Variants in SLC26A7 observed in about 807,000 individuals in gnomAD.
SLC26A7 encodes the protein anion exchange transporter.
SLC26A7 carries 59 observed loss-of-function variants against 82.5 expected under a neutral mutation model. That is an observed-to-expected ratio of 0.72 (90% confidence interval 0.58 to 0.89). The LOEUF is 0.89. Among genes scored for constraint, SLC26A7 ranks in the 40% least tolerant of loss-of-function variants. SLC26A7 has a pLI of 0.00. For missense variants in SLC26A7, 820 were observed against 793.0 expected (o/e 1.03, Z -0.41); for synonymous variants, 271 against 274.3 (o/e 0.99, Z 0.12).
chr8:91,234,725 T>C (rs1254887081), intron 2 of SLC26A7, among the ~76,000 whole-genome samples: 2 of 152,100 alleles, frequency 1.3e-5, no homozygotes, highest in Non-Finnish European at 2.9e-5. Context: ...CTTGTCATTG[T>C]TGCAAAACAG....
intron 5 of SLC26A7, among the ~76,000 whole-genome samples, chr8:91,328,595 T>C (rs1333762377): frequency 6.6e-6 from 1 of 152,152 alleles, no homozygotes; most frequent in East Asian, 1.9e-4. Flanking sequence ...TTGTTACTAT[T>C]ACTATGCTAG....
chr8:91,286,854 A>G (rs1307810442), intron 2 of SLC26A7, among the ~76,000 whole-genome samples: 1 of 152,210 alleles, frequency 6.6e-6, no homozygotes, highest in Non-Finnish European at 1.5e-5. Flanking sequence ...AGAATAATAA[A>G]TGAATCAGAA....
At chr8:91,231,555 CT>C (rs33979936) in intron 2 of SLC26A7, among the ~76,000 whole-genome samples, 6,860 of 152,102 alleles carry the variant, frequency 0.045, 172 homozygotes, top group African/African-American at 0.062. Flanking sequence ...CCTTTCTTTC[CT>C]TTTCTTTTCT....
At chr8:91,368,413 G>GA (rs1814253921) in intron 14 of SLC26A7, among the ~76,000 whole-genome samples, 3 of 144,990 alleles carry the variant, frequency 2.1e-5, no homozygotes, top group African/African-American at 7.6e-5. Flanking sequence ...TTCAGATGAG[G>GA]TTTTTTTTTT....
At chr8:91,261,969 G>A (rs934733925) in intron 2 of SLC26A7, among the ~76,000 whole-genome samples, 1 of 152,074 alleles carries the variant, frequency 6.6e-6, no homozygotes, top group African/African-American at 2.4e-5. Context: ...AATAGTAGAA[G>A]AGAGTAAAAC....
At chr8:91,318,582 G>C (rs1295436125) in intron 5 of SLC26A7, among the ~76,000 whole-genome samples, 1 of 151,992 alleles carries the variant, frequency 6.6e-6, no homozygotes, top group Non-Finnish European at 1.5e-5. Flanking sequence ...ATGATTCCTT[G>C]TAATGAACAA....
chr8:91,283,935 C>T (rs997964741), intron 2 of SLC26A7, among the ~76,000 whole-genome samples: 3 of 152,052 alleles, frequency 2.0e-5, no homozygotes, highest in African/African-American at 7.2e-5. Context: ...TTTCTACCAT[C>T]GCCGAATGCA....
intron 2 of SLC26A7, among the ~76,000 whole-genome samples, chr8:91,288,854 C>G (rs957525115): frequency 1.3e-5 from 2 of 152,160 alleles, no homozygotes; most frequent in African/African-American, 4.8e-5. Context: ...ACTGTCCAAC[C>G]TACCATTCAA....
At chr8:91,360,527 A>G (rs1814020522) in intron 11 of SLC26A7, among the ~76,000 whole-genome samples, 1 of 152,214 alleles carries the variant, frequency 6.6e-6, no homozygotes, top group Non-Finnish European at 1.5e-5. Context: ...ATATTTTTTC[A>G]AAGCTATAAA....
chr8:91,289,076 T>C (rs1385720705), intron 2 of SLC26A7, 60 bp from the exon 3 acceptor site: 4 of 1,051,384 alleles, frequency 3.8e-6, no homozygotes, highest in Non-Finnish European at 5.9e-6. Context: ...TATTCTTTTG[T>C]GTAACAGACT....
At chr8:91,300,017 G>C (rs1197667861) in intron 4 of SLC26A7, among the ~76,000 whole-genome samples, 1 of 152,174 alleles carries the variant, frequency 6.6e-6, no homozygotes, top group Non-Finnish European at 1.5e-5. Flanking sequence ...CTACACTTCA[G>C]GGGGAGAAAC....
chr8:91,244,670 A>C (rs932706725), upstream of SLC26A7, among the ~76,000 whole-genome samples: 17 of 151,500 alleles, frequency 1.1e-4, no homozygotes, highest in African/African-American at 3.6e-4. Flanking sequence ...TGCCCAGCTA[A>C]ATTTTTCAAT....
Position 91,363,533 on chromosome 8 carries a change from G to A in SLC26A7, c.1483G>A (p.Asp495Asn). The stretch of plus-strand genomic sequence containing the variant: ...GGAATTTAAAGTGAAGACAGAAATG[G>A]ACAGTGTAAGTTTAGTTTTATTTTT... ...EMEFKVKTEM[D>N]SETLQQVKII... The change falls in exon 13 of 19, where the codon GAC (aspartate) becomes AAC (asparagine). Residue 495 changes from aspartate (D) to asparagine (N), a missense_variant. Coordinates refer to ENST00000276609, the MANE Select transcript of SLC26A7 (RefSeq NM_052832.4). 1 of 1,488,990 alleles carries A rather than the reference G, an allele frequency of 6.7e-7. No individual in the cohort carries two copies. Among genetic ancestry groups the A allele is most frequent in the Non-Finnish European group, 9.2e-7 (1 of 1,084,046 alleles). 92.2% of individuals were successfully genotyped at this position (1,488,990 alleles called of 1,614,324 possible).
rs1157926782 is a variant in SLC26A7, at chr8:91,295,653, C to T, written c.427C>T (p.Gln143Ter). 1 of 1,614,022 alleles carries T rather than the reference C, an allele frequency of 6.2e-7. No homozygotes were observed. Among genetic ancestry groups the T allele is most frequent in the Non-Finnish European group, 8.5e-7 (1 of 1,179,954 alleles). The change falls in exon 4 of 19, where the codon CAA (glutamine) becomes TAA (stop). Residue 143 changes from glutamine to a stop codon, truncating the protein, a stop_gained. Transcript: ENST00000276609. LOFTEE classifies it high-confidence loss of function. Reference protein sequence around the residue: ...SVLGLSDFEMQRIHVAAAVSF... With the variant: ...SVLGLSDFEM ...GCTGGGCTTATCCGACTTTGAAATG[C>T]AAAGGATCCACGTTGCTGCAGCAGT... is the stretch of plus-strand genomic sequence containing the variant.
chr8:91,308,182 A>C (rs1208976255), intron 4 of SLC26A7, among the ~76,000 whole-genome samples: 1 of 151,648 alleles, frequency 6.6e-6, no homozygotes, highest in Non-Finnish European at 1.5e-5. Flanking sequence ...AATGCCCCTC[A>C]ATCGGGATAT....
chr8:91,378,401 T>A, intron 15 of SLC26A7, among the ~76,000 whole-genome samples: 1 of 146,722 alleles, frequency 6.8e-6, no homozygotes, highest in African/African-American at 2.5e-5. Flanking sequence ...TTATATATAA[T>A]ATAAAGTATA....
intron 2 of SLC26A7, among the ~76,000 whole-genome samples, chr8:91,233,973 T>C (rs976690178): frequency 2.6e-5 from 4 of 152,242 alleles, no homozygotes; most frequent in African/African-American, 9.6e-5. Context: ...GATGATATTC[T>C]AATCTGGGTT....
intron 11 of SLC26A7, among the ~76,000 whole-genome samples, chr8:91,358,544 A>G (rs1813948274): frequency 6.6e-6 from 1 of 151,646 alleles, no homozygotes; most frequent in Non-Finnish European, 1.5e-5. Flanking sequence ...GTTAGTCAGG[A>G]TGGTCTCGAT....
chr8:91,308,643 G>A (rs374565766), intron 4 of SLC26A7, among the ~76,000 whole-genome samples: 55 of 152,306 alleles, frequency 3.6e-4, no homozygotes, highest in African/African-American at 1.2e-3. Context: ...GAGTTAATGA[G>A]TGGATATTGT....
Sources: allele counts gnomAD v4.1 joint callset (sites outside exome capture counted in the v4.1 genomes callset), GRCh38; gene constraint gnomAD v4.1.1; transcripts MANE v1.5; gene names NCBI Gene and HGNC (gene_info 2026-07-23, HGNC 2026-07-21).